NEO1: variants seen among roughly 807,000 people sequenced by gnomAD.
NEO1 encodes neogenin.
In NEO1, 63 loss-of-function variants were observed where a neutral mutation model predicts 159.7. The ratio of observed to expected loss-of-function variants is 0.39; its 90% CI spans 0.32 to 0.49. NEO1 has a LOEUF of 0.49. Among genes scored for constraint, NEO1 ranks in the 20% least tolerant of loss-of-function variants. The pLI is 0.85. For missense variants in NEO1, 1,615 were observed against 1,831.0 expected (o/e 0.88, Z 2.15); for synonymous variants, 633 against 662.0 (o/e 0.96, Z 0.67).
At chr15:73,173,136 A>G (rs1979409) in intron 5 of NEO1, among the ~76,000 whole-genome samples, 91,801 of 151,966 alleles carry the variant, frequency 0.6, 28,219 homozygotes, top group East Asian at 0.84. Context: ...AAACATCTTC[A>G]GTTTTCCTGT....
At chr15:73,281,820 A>G (rs780444319) in intron 22 of NEO1, among the ~76,000 whole-genome samples, 1 of 152,246 alleles carries the variant, frequency 6.6e-6, no homozygotes, top group African/African-American at 2.4e-5. Flanking sequence ...ATGAGCATAC[A>G]TAAATAATGA....
At chr15:73,297,764 GAA>G (rs2042434332) in intron 26 of NEO1, among the ~76,000 whole-genome samples, 1 of 152,224 alleles carries the variant, frequency 6.6e-6, no homozygotes, top group South Asian at 2.1e-4. Flanking sequence ...GGTGTGATCT[GAA>G]AGCTGTGTGC....
chr15:73,075,387 C>G (rs2068721626), intron 1 of NEO1, among the ~76,000 whole-genome samples: 1 of 152,098 alleles, frequency 6.6e-6, no homozygotes, highest in East Asian at 1.9e-4. Flanking sequence ...CTAATGTAAC[C>G]TGAGACAACA....
At position 73,184,345 on chromosome 15, in the gene NEO1, A is replaced by G. The variant is rs186707258; in HGVS notation, c.1291+5918A>G. ...TAACTTTTGTATTTTTAGTAGAGAC[A>G]GGGTTTCATATATACCTTTATTTTT... On this transcript the variant is annotated intron_variant, in intron 7 of 28. Coordinates refer to ENST00000261908, the MANE Select transcript of NEO1 (RefSeq NM_002499.4). 1.8e-3 allele frequency among the ~76,000 whole-genome samples: 273 copies of G among 152,124 alleles called. 1 individual carries two copies. The highest frequency in any genetic ancestry group is 6.4e-3 in the African/African-American group (266 of 41,512).
intron 4 of NEO1, among the ~76,000 whole-genome samples, chr15:73,132,586 G>C (rs372504480): frequency 1.3e-5 from 2 of 152,160 alleles, no homozygotes; most frequent in East Asian, 1.9e-4. Flanking sequence ...ATAATCAGTA[G>C]AGTAAACAGA....
intron 1 of NEO1, among the ~76,000 whole-genome samples, chr15:73,068,944 G>A (rs946946486): frequency 7.1e-6 from 1 of 140,124 alleles, no homozygotes; most frequent in Admixed American, 7.7e-5. Context: ...TAAAACCTTT[G>A]ATAGAGTGGG....
Position 73,150,642 on chromosome 15 carries a change from G to A in NEO1, c.1015+14615G>A, listed in dbSNP as rs1048526571. Among the ~76,000 whole-genome samples the A allele has an allele frequency of 5.9e-5, 9 of 151,670 alleles. 1 individual carries two copies. The highest frequency in any genetic ancestry group is 1.3e-4 in the Admixed American group (2 of 15,250). ...TTTGTTTGCAGTTTTTTTCTCTTTC[G>A]AGGTAAAATTTATATACAGTGTAAT... On this transcript the variant is annotated intron_variant, in intron 5 of 28. Transcript: ENST00000261908.
chr15:73,165,910 C>T lies in NEO1; in HGVS notation c.1016-10493C>T, dbSNP rs114500803. 8.6e-3 allele frequency among the ~76,000 whole-genome samples: 1,302 copies of T among 152,248 alleles called. 24 individuals carry two copies. Among genetic ancestry groups the T allele is most frequent in the African/African-American group, 0.03 (1,230 of 41,528 alleles). On this transcript the variant is annotated intron_variant, in intron 5 of 28. Coordinates refer to ENST00000261908, the MANE Select transcript of NEO1 (RefSeq NM_002499.4). ...GAGTTATTCCATATCGCTTTGTTCCCCTTACTGCACATGTGTCAGGAGACG... is the reference window on the plus strand; with the variant it reads ...GAGTTATTCCATATCGCTTTGTTCCTCTTACTGCACATGTGTCAGGAGACG...
intron 23 of NEO1, among the ~76,000 whole-genome samples, chr15:73,284,895 C>T (rs1332089240): frequency 2.6e-5 from 4 of 152,080 alleles, no homozygotes; most frequent in African/African-American, 9.7e-5. Flanking sequence ...GCCCTGTCTA[C>T]TTTTAATAGT....
chr15:73,206,921 A>G (rs555509501), intron 7 of NEO1, among the ~76,000 whole-genome samples: 43 of 152,182 alleles, frequency 2.8e-4, no homozygotes, highest in Non-Finnish European at 5.3e-4. Context: ...TGAAGTGATC[A>G]TAGCTCATTG....
At position 73,086,757 on chromosome 15, in the gene NEO1, C is replaced by T. The variant is rs573415747; in HGVS notation, c.131-29783C>T. 2.7e-5 allele frequency among the ~76,000 whole-genome samples: 4 copies of T among 146,746 alleles called. No individual in the cohort carries two copies. The South Asian group carries it at 6.6e-4, about 24-fold the overall frequency. ...TGCAGTGGCGCGATCTTGATTCACA[C>T]GATTCTCCTGCCTCAGCCTCCTGAG... is the stretch of plus-strand genomic sequence containing the variant. On this transcript the variant is annotated intron_variant, in intron 1 of 28. Coordinates refer to ENST00000261908, the MANE Select transcript of NEO1 (RefSeq NM_002499.4).
chr15:73,079,693 G>A (rs950947322), intron 1 of NEO1, among the ~76,000 whole-genome samples: 8 of 152,150 alleles, frequency 5.3e-5, no homozygotes, highest in Admixed American at 2.6e-4. Flanking sequence ...TACTTGAATA[G>A]TTTCCCTTCA....
chr15:73,270,292 A>G, intron 17 of NEO1, 24 bp from the exon 18 acceptor site: 5 of 1,613,930 alleles, frequency 3.1e-6, no homozygotes, highest in Non-Finnish European at 4.2e-6. Context: ...CTAATTTTAA[A>G]GTCTCAATTC....
intron 24 of NEO1, 83 bp from the exon 25 acceptor site, chr15:73,289,063 C>G: frequency 1.0e-6 from 1 of 1,001,058 alleles, no homozygotes; most frequent in Non-Finnish European, 1.6e-6. Context: ...ATTCTGAATC[C>G]CCTACTAGAA....
At chr15:73,176,278 A>C (rs908361355) in intron 5 of NEO1, 125 bp from the exon 6 acceptor site, 1 of 525,534 alleles carries the variant, frequency 1.9e-6, no homozygotes, top group African/African-American at 2.0e-5. Flanking sequence ...TTTTGCAAAA[A>C]TATGTGAAAG....
chr15:73,220,558 G>C (rs2038181592), intron 7 of NEO1, among the ~76,000 whole-genome samples: 1 of 152,130 alleles, frequency 6.6e-6, no homozygotes, highest in Non-Finnish European at 1.5e-5. Flanking sequence ...GTCATTTTCA[G>C]GTACACCAAT....
intron 1 of NEO1, among the ~76,000 whole-genome samples, chr15:73,083,576 T>G (rs1395590749): frequency 6.6e-6 from 1 of 152,166 alleles, no homozygotes; most frequent in Non-Finnish European, 1.5e-5. Flanking sequence ...TCTGCCACAC[T>G]CAGTCCCATT....
At chr15:73,180,561 A>G (rs997967947) in intron 7 of NEO1, among the ~76,000 whole-genome samples, 1 of 152,146 alleles carries the variant, frequency 6.6e-6, no homozygotes, top group Non-Finnish European at 1.5e-5. Flanking sequence ...TATTTGGGGT[A>G]TATTTATTTA....
chr15:73,144,484 A>G (rs2032712815), intron 5 of NEO1, among the ~76,000 whole-genome samples: 1 of 152,146 alleles, frequency 6.6e-6, no homozygotes, highest in African/African-American at 2.4e-5. Context: ...ACTTGATACC[A>G]GTGTGTCATG....
Sources: gnomAD v4.1 joint callset for allele counts (sites outside exome capture counted in the v4.1 genomes callset) on GRCh38, gnomAD v4.1.1 for gene constraint, MANE v1.5 for transcripts, NCBI Gene and HGNC (gene_info 2026-07-23, HGNC 2026-07-21) for gene names.